The following ADGRD1 variants were observed in gnomAD, a reference collection of about 807,000 sequenced individuals.
The protein encoded by ADGRD1 is G-protein coupled receptor 133.
A neutral mutation model predicts 113.4 loss-of-function variants in ADGRD1; 77 were observed. The ratio of observed to expected loss-of-function variants is 0.68; its 90% confidence interval spans 0.57 to 0.82. The LOEUF is 0.82. Among genes scored for constraint, ADGRD1 ranks in the 40% least tolerant of loss-of-function variants. The probability of loss-of-function intolerance (pLI) is 0.00; values close to 1 mark genes in which losing one functional copy is unlikely to be tolerated. For synonymous variants in ADGRD1, 474 were observed against 475.0 expected, an observed-to-expected ratio of 1.00 and a Z score of 0.03; for missense variants, 1,036 against 1,139.1, an observed-to-expected ratio of 0.91 and a Z score of 1.30.
chr12:131,047,556 A>G (rs888248590), intron 13 of ADGRD1, among the ~76,000 whole-genome samples: 5 of 152,166 alleles, frequency 3.3e-5, no homozygotes, highest in Non-Finnish European at 7.4e-5. Flanking sequence ...ATAATGTGCA[A>G]TGTGAGGACA....
At chr12:131,100,967 C>T (rs1950056892) in intron 15 of ADGRD1, among the ~76,000 whole-genome samples, 1 of 152,198 alleles carries the variant, frequency 6.6e-6, no homozygotes, top group Non-Finnish European at 1.5e-5. Flanking sequence ...CTCTTTCTCC[C>T]CTGACGCCTT....
chr12:131,086,637 C>T (rs577703429), intron 15 of ADGRD1, among the ~76,000 whole-genome samples: 1 of 152,318 alleles, frequency 6.6e-6, no homozygotes, highest in African/African-American at 2.4e-5. Context: ...AATAAAATGG[C>T]AGATGCTCCT....
intron 4 of ADGRD1, among the ~76,000 whole-genome samples, chr12:130,979,817 TCACACACACA>T (rs10526212): frequency 0.034 from 1,807 of 53,926 alleles, 40 homozygotes; most frequent in African/African-American, 0.058. Flanking sequence ...AGCTAGTGTC[TCACACACACA>T]CACACACACA....
intron 21 of ADGRD1, among the ~76,000 whole-genome samples, 187 bp from the exon 22 acceptor site, chr12:131,135,850 T>A (rs895696147): frequency 1.3e-5 from 2 of 152,118 alleles, no homozygotes; most frequent in Admixed American, 1.3e-4. Context: ...GGGATGGAGG[T>A]GTGGAAACAC....
At chr12:131,118,515 C>A in intron 19 of ADGRD1, 64 bp downstream of exon 19, 12 of 1,248,672 alleles carry the variant, frequency 9.6e-6, no homozygotes, top group African/African-American at 1.5e-5. Flanking sequence ...GGCGAGAGCC[C>A]CGTGGCTCTT....
chr12:131,007,327 G>A (rs111493108), intron 12 of ADGRD1, among the ~76,000 whole-genome samples: 6 of 152,350 alleles, frequency 3.9e-5, no homozygotes, highest in African/African-American at 1.4e-4. Flanking sequence ...CACTACGTGG[G>A]GAAATGGGGG....
chr12:131,034,919 C>G (rs1459452419), intron 13 of ADGRD1, among the ~76,000 whole-genome samples: 2 of 152,202 alleles, frequency 1.3e-5, no homozygotes, highest in African/African-American at 2.4e-5. Flanking sequence ...ACGCCTACAG[C>G]TGCTCCTCCG....
intron 13 of ADGRD1, among the ~76,000 whole-genome samples, chr12:131,033,793 G>A (rs1881070386): frequency 6.6e-6 from 1 of 152,194 alleles, no homozygotes; most frequent in African/African-American, 2.4e-5. Flanking sequence ...TTCCACGGCT[G>A]CTGCGTCTGC....
intron 13 of ADGRD1, among the ~76,000 whole-genome samples, chr12:131,071,057 TGTGC>T: frequency 6.7e-6 from 1 of 150,226 alleles, no homozygotes; most frequent in Non-Finnish European, 1.5e-5. Context: ...GGTGGAGCCA[TGTGC>T]AAGGAGGTGG....
intron 2 of ADGRD1, among the ~76,000 whole-genome samples, chr12:130,956,232 T>A (rs766499394): frequency 1.1e-4 from 16 of 152,208 alleles, no homozygotes; most frequent in Non-Finnish European, 2.1e-4. Context: ...CCAGGGGCTG[T>A]GCCCTCAGCC....
intron 14 of ADGRD1, among the ~76,000 whole-genome samples, chr12:131,077,330 C>G (rs1362413545): frequency 6.6e-6 from 1 of 152,202 alleles, no homozygotes; most frequent in Non-Finnish European, 1.5e-5. Context: ...GACCATCAGG[C>G]CTGCCTAAAA....
intron 18 of ADGRD1, among the ~76,000 whole-genome samples, chr12:131,116,005 C>T (rs747884356): frequency 1.3e-5 from 2 of 152,244 alleles, no homozygotes; most frequent in East Asian, 1.9e-4. Context: ...CCAAAGCCCA[C>T]GCTCTTCCCA....
intron 12 of ADGRD1, among the ~76,000 whole-genome samples, chr12:131,009,157 C>T (rs1455797244): frequency 1.3e-5 from 2 of 152,228 alleles, no homozygotes; most frequent in South Asian, 2.1e-4. Flanking sequence ...ACATTATCAA[C>T]GTGGGACACG....
chr12:130,983,308 C>T (rs1368157866), intron 5 of ADGRD1, among the ~76,000 whole-genome samples: 1 of 152,174 alleles, frequency 6.6e-6, no homozygotes, highest in Non-Finnish European at 1.5e-5. Context: ...GTACCTCCAC[C>T]TCTGTAAAGT....
At chr12:131,062,427 G>A (rs1178628965) in intron 13 of ADGRD1, among the ~76,000 whole-genome samples, 1 of 152,214 alleles carries the variant, frequency 6.6e-6, no homozygotes, top group Non-Finnish European at 1.5e-5. Flanking sequence ...GTTTCTGTGA[G>A]ACAAATGCCC....
intron 20 of ADGRD1, among the ~76,000 whole-genome samples, chr12:131,122,209 C>T (rs1198551018): frequency 1.3e-5 from 2 of 152,040 alleles, no homozygotes; most frequent in East Asian, 1.9e-4. Flanking sequence ...GGGTGTTGCG[C>T]GGGGCGCCAC....
intron 13 of ADGRD1, among the ~76,000 whole-genome samples, chr12:131,037,832 G>T: frequency 7.0e-6 from 1 of 143,188 alleles, no homozygotes; most frequent in African/African-American, 2.6e-5. Flanking sequence ...ACTGCATGGG[G>T]CCTCACTCAC....
chr12:130,989,443 T>C (rs1211937288), intron 6 of ADGRD1: 1 of 152,204 alleles, frequency 6.6e-6, no homozygotes, highest in Non-Finnish European at 1.5e-5. Flanking sequence ...GTAAAGCATG[T>C]ATAGGAGAAT....
chr12:131,028,844 C>T (rs899997278), intron 13 of ADGRD1, among the ~76,000 whole-genome samples: 4 of 152,208 alleles, frequency 2.6e-5, no homozygotes, highest in Admixed American at 6.5e-5. Context: ...GAGACCGGCT[C>T]GTGTAAACCC....
Sources: gnomAD v4.1 joint callset for allele counts (sites outside exome capture counted in the v4.1 genomes callset) on GRCh38, gnomAD v4.1.1 for gene constraint, MANE v1.5 for transcripts, NCBI Gene and HGNC (gene_info 2026-07-23, HGNC 2026-07-21) for gene names.